Variants in UBE4B observed in about 807,000 individuals in gnomAD.
The protein encoded by UBE4B is ubiquitin conjugation factor E4 B.
UBE4B carries 27 observed loss-of-function variants against 148.1 expected under a neutral mutation model. The ratio of observed to expected loss-of-function variants is 0.18; its 90% confidence interval spans 0.13 to 0.25. The LOEUF (loss-of-function observed/expected upper bound fraction) is 0.25, where lower values mean the gene tolerates loss of function less well. UBE4B is among the 10% of genes least tolerant of loss of function. The pLI is 1.00. For synonymous variants in UBE4B, 596 were observed against 619.3 expected (o/e 0.96, Z 0.56); for missense variants, 1,170 against 1,662.4 (o/e 0.70, Z 5.15).
chr1:10,063,213 A>G (rs1032073584), intron 1 of UBE4B, among the ~76,000 whole-genome samples: 1 of 152,300 alleles, frequency 6.6e-6, no homozygotes, highest in South Asian at 2.1e-4. Context: ...GGTTGCAGTG[A>G]GCTGAAACCG....
Position 10,101,092 on chromosome 1 carries a change from TC to T in UBE4B, c.348-15del, listed in dbSNP as rs932237045. On this transcript the variant is annotated splice_polypyrimidine_tract_variant and intron_variant, in intron 3 of 27. Coordinates refer to ENST00000343090, the MANE Select transcript of UBE4B (RefSeq NM_001105562.3). ...TTATAAAAGGTAAAAGGCTTGTTTG[TC>T]TTTTGTACTTTAAGCATGTCCCAGG... 1.2e-6 allele frequency: 2 copies of T among 1,611,840 alleles called. No individual in the cohort carries two copies. The highest frequency in any genetic ancestry group is 1.7e-6 in the Non-Finnish European group (2 of 1,178,136).
At chr1:10,058,140 AAAGCAC>A (rs912176078) in intron 1 of UBE4B, among the ~76,000 whole-genome samples, 46 of 152,172 alleles carry the variant, frequency 3.0e-4, no homozygotes, top group African/African-American at 1.1e-3. Context: ...TGCTTGGGTA[AAAGCAC>A]TAGATACTTT....
chr1:10,073,689 CA>C (rs1644526116), intron 2 of UBE4B, among the ~76,000 whole-genome samples: 1 of 152,096 alleles, frequency 6.6e-6, no homozygotes, highest in Non-Finnish European at 1.5e-5. Flanking sequence ...TACTGCACTC[CA>C]ACCTGGTGAT....
intron 26 of UBE4B, 75 bp downstream of exon 26, chr1:10,178,893 C>A: frequency 6.9e-7 from 1 of 1,452,680 alleles, no homozygotes; most frequent in South Asian, 1.5e-5. Context: ...AGAGGACGTC[C>A]TGTGCAATTA....
Position 10,181,236 on chromosome 1 carries a change from G to A in UBE4B, c.*1280G>A, listed in dbSNP as rs796474157. 9.7e-6 allele frequency: 1 copy of A among 102,800 alleles called. No individual in the cohort carries two copies. Among genetic ancestry groups the A allele is most frequent in the Admixed American group, 1.6e-4 (1 of 6,284 alleles). The allele number at this position is 102,800 out of a possible 1,614,324, so 6.4% of individuals were successfully genotyped here. ...AATAAATGGTGACACACGTTCAGAA[G>A]AAATCTTCTTTGAGTCTCTTCTCTT... On this transcript the variant is annotated 3_prime_UTR_variant, in exon 28 of 28. Coordinates refer to ENST00000343090, the MANE Select transcript of UBE4B (RefSeq NM_001105562.3).
intron 21 of UBE4B, among the ~76,000 whole-genome samples, chr1:10,154,229 A>G (rs1390174358): frequency 1.3e-5 from 2 of 151,962 alleles, no homozygotes; most frequent in Non-Finnish European, 2.9e-5. Flanking sequence ...GTGACAGAGC[A>G]AGACTTCATC....
At chr1:10,175,584 G>A (rs1373569501) in intron 25 of UBE4B, among the ~76,000 whole-genome samples, 3 of 152,056 alleles carry the variant, frequency 2.0e-5, no homozygotes, top group Non-Finnish European at 4.4e-5. Context: ...CTGGGAGGTG[G>A]AGCTTGCAGT....
intron 2 of UBE4B, among the ~76,000 whole-genome samples, chr1:10,093,082 C>CATAGT (rs1557545483): frequency 6.6e-6 from 1 of 152,172 alleles, no homozygotes; most frequent in East Asian, 1.9e-4. Context: ...TTATTGTACA[C>CATAGT]ATACTATACT....
intron 5 of UBE4B, among the ~76,000 whole-genome samples, chr1:10,104,622 A>G (rs920587058): frequency 2.6e-5 from 4 of 152,192 alleles, no homozygotes; most frequent in Non-Finnish European, 5.9e-5. Context: ...GATTTTACTT[A>G]TTAACTCTGC....
intron 23 of UBE4B, among the ~76,000 whole-genome samples, chr1:10,164,097 T>G (rs1475887271): frequency 6.6e-6 from 1 of 151,776 alleles, no homozygotes; most frequent in African/African-American, 2.4e-5. Context: ...TATCAGCACT[T>G]TGGGAGGCCG....
intron 2 of UBE4B, among the ~76,000 whole-genome samples, chr1:10,091,886 G>T (rs995925088): frequency 7.9e-5 from 12 of 152,090 alleles, no homozygotes; most frequent in Admixed American, 1.3e-4. Flanking sequence ...GATTACAGGT[G>T]TGAGCCACTG....
intron 8 of UBE4B, among the ~76,000 whole-genome samples, chr1:10,118,724 TA>T (rs992774065): frequency 2.6e-5 from 4 of 151,654 alleles, no homozygotes; most frequent in Non-Finnish European, 4.4e-5. Context: ...GGCTGGTCTC[TA>T]ACTCCCGACC....
At chr1:10,179,330 A>G in intron 26 of UBE4B, 86 bp from the exon 27 acceptor site, 2 of 1,544,742 alleles carry the variant, frequency 1.3e-6, no homozygotes, top group East Asian at 2.3e-5. Flanking sequence ...CTTTGGATAG[A>G]TTTTTCGCTG....
At chr1:10,093,198 A>T (rs766244666) in intron 2 of UBE4B, among the ~76,000 whole-genome samples, 2 of 152,180 alleles carry the variant, frequency 1.3e-5, no homozygotes, top group Non-Finnish European at 2.9e-5. Context: ...TACCATAATG[A>T]TCATTGAAGT....
chr1:10,158,308 A>C (rs1447693507), intron 21 of UBE4B, 48 bp from the exon 22 acceptor site: 12 of 1,593,138 alleles, frequency 7.5e-6, no homozygotes, highest in Non-Finnish European at 1.0e-5. Context: ...CTGGATTTGG[A>C]AAGCAAGAAA....
chr1:10,041,691 C>T (rs1231731314), intron 1 of UBE4B, among the ~76,000 whole-genome samples: 1 of 151,706 alleles, frequency 6.6e-6, no homozygotes, highest in Non-Finnish European at 1.5e-5. Flanking sequence ...CCCCAGTGGA[C>T]TTTTTGTTTG....
At chr1:10,091,754 C>T (rs1418751784) in intron 2 of UBE4B, among the ~76,000 whole-genome samples, 3 of 152,074 alleles carry the variant, frequency 2.0e-5, no homozygotes, top group Non-Finnish European at 2.9e-5. Context: ...TACAGGCTCC[C>T]GCCTCTGCGC....
chr1:10,099,158 C>T (rs1017964171), intron 3 of UBE4B, among the ~76,000 whole-genome samples: 2 of 152,090 alleles, frequency 1.3e-5, no homozygotes, highest in Non-Finnish European at 2.9e-5. Flanking sequence ...AGGAGAATTG[C>T]TTGAACCTGG....
intron 7 of UBE4B, among the ~76,000 whole-genome samples, chr1:10,112,411 C>G (rs887332966): frequency 1.3e-5 from 2 of 151,910 alleles, no homozygotes; most frequent in African/African-American, 4.8e-5. Context: ...TTTGTTTTGT[C>G]TTGTTTTAGA....
Sources: gnomAD v4.1 joint callset for allele counts (sites outside exome capture counted in the v4.1 genomes callset) on GRCh38, gnomAD v4.1.1 for gene constraint, MANE v1.5 for transcripts, NCBI Gene and HGNC (gene_info 2026-07-23, HGNC 2026-07-21) for gene names.